The following HMHB1 variants were observed in gnomAD, a reference collection of about 807,000 sequenced individuals.
HMHB1 encodes minor histocompatibility protein HB-1.
In HMHB1, 4 loss-of-function variants were observed where a neutral mutation model predicts 2.4. The ratio of observed to expected loss-of-function variants is 1.65; its 90% CI spans 0.81 to 3.77. HMHB1 has a LOEUF of 3.77. Ranked by LOEUF, HMHB1 falls within the 30% of genes most tolerant of loss-of-function variation. The probability of loss-of-function intolerance (pLI) is 0.01; values close to 1 mark genes in which losing one functional copy is unlikely to be tolerated. For missense variants in HMHB1, 57 were observed against 44.2 expected (o/e 1.29, Z -0.82); for synonymous variants, 22 against 17.6 (o/e 1.25, Z -0.63).
chr5:143,814,260 A>G (rs1178822968), intron 1 of HMHB1, among the ~76,000 whole-genome samples: 3 of 152,150 alleles, frequency 2.0e-5, no homozygotes, highest in Non-Finnish European at 2.9e-5. Context: ...TGTTACTTAT[A>G]TTTTTTTCCT....
At chr5:143,818,890 A>T (rs569218878) in intron 1 of HMHB1, among the ~76,000 whole-genome samples, 6 of 152,320 alleles carry the variant, frequency 3.9e-5, no homozygotes, top group African/African-American at 1.4e-4. Flanking sequence ...ATTCAGGTTA[A>T]CATCAGCAAA....
At chr5:143,812,397 G>T in intron 1 of HMHB1, 93 bp downstream of exon 1, 3 of 1,197,828 alleles carry the variant, frequency 2.5e-6, no homozygotes, top group South Asian at 2.7e-5. Context: ...GGAATGAGAG[G>T]GAAACCACAA....
chr5:143,814,461 G>A (rs552268071), intron 1 of HMHB1, among the ~76,000 whole-genome samples: 27 of 152,252 alleles, frequency 1.8e-4, no homozygotes, highest in East Asian at 1.5e-3. Context: ...ACTTACACTG[G>A]CCCCAACAAA....
At chr5:143,818,227 C>T (rs912720484) in intron 1 of HMHB1, among the ~76,000 whole-genome samples, 1 of 152,100 alleles carries the variant, frequency 6.6e-6, no homozygotes, top group African/African-American at 2.4e-5. Flanking sequence ...TAAGACAGCC[C>T]TGGGTTTAAA....
rs188790213 is a variant in HMHB1 at position 143,820,638 on chromosome 5, T to G, written c.*70T>G. On this transcript the variant is annotated 3_prime_UTR_variant, in exon 2 of 2. Coordinates refer to ENST00000289448, the MANE Select transcript of HMHB1 (RefSeq NM_021182.3). ...ATGAGCAGGGACAAATTGCTGAGCA[T>G]GAAGAAGAGTAAAATTAAGCAAGTG... 1.0e-6 allele frequency: 1 copy of G among 959,940 alleles called. No individual in the cohort carries two copies. Among genetic ancestry groups the G allele is most frequent in the African/African-American group, 1.6e-5 (1 of 62,068 alleles). The allele number at this position is 959,940 out of a possible 1,614,324, so 59.5% of individuals were successfully genotyped here. A position where few individuals can be genotyped will look rare whatever the true frequency, so the allele number is the denominator to read the frequency against.
At chr5:143,818,496 A>G (rs939880645) in intron 1 of HMHB1, among the ~76,000 whole-genome samples, 3 of 152,250 alleles carry the variant, frequency 2.0e-5, no homozygotes, top group South Asian at 2.1e-4. Context: ...AATAGAGTGA[A>G]GTGCTTTGCT....
At chr5:143,814,798 C>G (rs1412972016) in intron 1 of HMHB1, among the ~76,000 whole-genome samples, 1 of 152,180 alleles carries the variant, frequency 6.6e-6, no homozygotes, top group Non-Finnish European at 1.5e-5. Flanking sequence ...ATCTTTTAGT[C>G]TCCTACTTTC....
At chr5:143,820,318 T>TAAAACAAAAAAAAAAAAAAAAAAAAAAAA (rs1759794180) in intron 1 of HMHB1, among the ~76,000 whole-genome samples, 162 bp from the exon 2 acceptor site, 1 of 47,564 alleles carries the variant, frequency 2.1e-5, no homozygotes, top group Non-Finnish European at 4.1e-5. Context: ...TCATCATAAG[T>TAAAACAAAAAAAAAAAAAAAAAAAAAAAA]AAAAAAAAAA....
chr5:143,820,592 A>G lies in HMHB1; in HGVS notation c.*24A>G. The G allele has an allele frequency of 6.6e-7, 1 of 1,519,546 alleles. No individual in the cohort carries two copies. Among genetic ancestry groups the G allele is most frequent in the Non-Finnish European group, 9.1e-7 (1 of 1,094,878 alleles). 94.1% of individuals were successfully genotyped at this position (1,519,546 alleles called of 1,614,324 possible). Reference sequence around the variant, plus strand: ...GACACTGCTGTTGAGGTTTGACTCGAAGCCCAGAGTTTTGGTGTGGATGAG... The same window carrying G: ...GACACTGCTGTTGAGGTTTGACTCGGAGCCCAGAGTTTTGGTGTGGATGAG... On this transcript the variant is annotated 3_prime_UTR_variant, in exon 2 of 2. Coordinates refer to ENST00000289448, the MANE Select transcript of HMHB1 (RefSeq NM_021182.3).
chr5:143,817,357 T>C (rs1759759988), intron 1 of HMHB1, among the ~76,000 whole-genome samples: 1 of 152,250 alleles, frequency 6.6e-6, no homozygotes, highest in Non-Finnish European at 1.5e-5. Flanking sequence ...TTTGAGTCCT[T>C]AATCCATCTT....
chr5:143,813,778 GA>G (rs3840314), intron 1 of HMHB1, among the ~76,000 whole-genome samples: 4 of 151,878 alleles, frequency 2.6e-5, no homozygotes, highest in African/African-American at 9.7e-5. Flanking sequence ...ATTTTGCAAG[GA>G]AAAAAATATA....
At chr5:143,814,833 A>G (rs1273632215) in intron 1 of HMHB1, among the ~76,000 whole-genome samples, 2 of 152,156 alleles carry the variant, frequency 1.3e-5, no homozygotes, top group East Asian at 3.9e-4. Flanking sequence ...GTCCCCACTA[A>G]AAGTTATCCT....
At chr5:143,820,318 T>TTAAAAAAAAAAAAA (rs1224094703) in intron 1 of HMHB1, among the ~76,000 whole-genome samples, 162 bp from the exon 2 acceptor site, 7 of 47,580 alleles carry the variant, frequency 1.5e-4, no homozygotes, top group Admixed American at 5.8e-4. Flanking sequence ...TCATCATAAG[T>TTAAAAAAAAAAAAA]AAAAAAAAAA....
At chr5:143,813,367 C>T (rs1378995154) in intron 1 of HMHB1, among the ~76,000 whole-genome samples, 1 of 152,134 alleles carries the variant, frequency 6.6e-6, no homozygotes. Flanking sequence ...TTGGTGCCCT[C>T]ATAGTTTTAC....
intron 1 of HMHB1, among the ~76,000 whole-genome samples, chr5:143,813,731 G>A (rs886601454): frequency 3.9e-5 from 6 of 152,112 alleles, no homozygotes; most frequent in African/African-American, 1.4e-4. Flanking sequence ...GTAAGGATGT[G>A]AATTATAAAA....
rs60960654 is a variant in HMHB1 at position 143,820,318 on chromosome 5, T to TAAAAAAAAAAAAAAAAAAAAAA, written c.38-151_38-130dup. Among the ~76,000 whole-genome samples, 128 of 47,580 alleles carry TAAAAAAAAAAAAAAAAAAAAAA rather than the reference T, an allele frequency of 2.7e-3. 1 individual carries two copies. The highest frequency in any genetic ancestry group is 5.2e-3 in the South Asian group (4 of 776). 31.2% of individuals were successfully genotyped at this position (47,580 alleles called of 152,430 possible). A position where few individuals can be genotyped will look rare whatever the true frequency, so the allele number is the denominator to read the frequency against. ...AGGTGCTGCCCCGGCTCATCATAAG[T>TAAAAAAAAAAAAAAAAAAAAAA]AAAAAAAAAAAAAAAAAAAAAAAAA... On this transcript the variant is annotated intron_variant, in intron 1 of 1. Coordinates refer to ENST00000289448, the MANE Select transcript of HMHB1 (RefSeq NM_021182.3).
chr5:143,814,662 C>A (rs936044731), intron 1 of HMHB1, among the ~76,000 whole-genome samples: 4 of 152,158 alleles, frequency 2.6e-5, no homozygotes, highest in Non-Finnish European at 5.9e-5. Context: ...AATCTTCAAT[C>A]GTCTCTAATT....
intron 1 of HMHB1, among the ~76,000 whole-genome samples, chr5:143,820,105 A>T (rs1313146447): frequency 6.6e-6 from 1 of 152,082 alleles, no homozygotes; most frequent in Non-Finnish European, 1.5e-5. Flanking sequence ...ATTCCATATG[A>T]GCTAATTATA....
chr5:143,812,662 A>T (rs993503717), intron 1 of HMHB1, among the ~76,000 whole-genome samples: 5 of 151,968 alleles, frequency 3.3e-5, no homozygotes, highest in Non-Finnish European at 5.9e-5. Flanking sequence ...CCAAGATCAC[A>T]TTGTTCTTGC....
Sources: allele counts gnomAD v4.1 joint callset (sites outside exome capture counted in the v4.1 genomes callset), GRCh38; gene constraint gnomAD v4.1.1; transcripts MANE v1.5; gene names NCBI Gene and HGNC (gene_info 2026-07-23, HGNC 2026-07-21).